Variants in FNDC3B observed in about 807,000 individuals in gnomAD.
FNDC3B encodes the protein fibronectin type III domain-containing protein 3B.
A neutral mutation model predicts 151.5 loss-of-function variants in FNDC3B; 12 were observed. That is an observed-to-expected ratio of 0.08 (90% CI 0.05 to 0.13). The LOEUF (loss-of-function observed/expected upper bound fraction) is 0.13. Ranked by LOEUF, FNDC3B falls within the 10% of genes least tolerant of loss-of-function variation. The pLI is 1.00. For missense variants in FNDC3B, 1,214 were observed against 1,505.3 expected (o/e 0.81, Z 3.20); for synonymous variants, 528 against 549.0 (o/e 0.96, Z 0.54).
At chr3:172,228,494 C>T (rs1726709021) in intron 4 of FNDC3B, among the ~76,000 whole-genome samples, 1 of 152,134 alleles carries the variant, frequency 6.6e-6, no homozygotes, top group Non-Finnish European at 1.5e-5. Context: ...AGTATTATTG[C>T]TGTGATTACA....
At chr3:172,060,383 C>T (rs543271826) in intron 1 of FNDC3B, among the ~76,000 whole-genome samples, 3 of 152,082 alleles carry the variant, frequency 2.0e-5, no homozygotes, top group Admixed American at 2.0e-4. Context: ...TATGAGTTGG[C>T]CCCACACCAG....
intron 25 of FNDC3B, among the ~76,000 whole-genome samples, chr3:172,395,292 A>G (rs1736217786): frequency 6.6e-6 from 1 of 152,098 alleles, no homozygotes; most frequent in Non-Finnish European, 1.5e-5. Flanking sequence ...TGCAATTTTA[A>G]TCTGATTATC....
chr3:172,209,126 G>A (rs1311111929), intron 3 of FNDC3B, among the ~76,000 whole-genome samples: 1 of 152,012 alleles, frequency 6.6e-6, no homozygotes, highest in Non-Finnish European at 1.5e-5. Flanking sequence ...AGTGAGCGGG[G>A]GTGGGGGTGG....
At chr3:172,297,141 G>C (rs1730655151) in intron 8 of FNDC3B, among the ~76,000 whole-genome samples, 1 of 152,080 alleles carries the variant, frequency 6.6e-6, no homozygotes, top group Non-Finnish European at 1.5e-5. Context: ...CTGATTCTTT[G>C]AATTTTTTTT....
At chr3:172,049,847 C>T (rs1438739426) in intron 1 of FNDC3B, among the ~76,000 whole-genome samples, 1 of 152,114 alleles carries the variant, frequency 6.6e-6, no homozygotes, top group East Asian at 1.9e-4. Flanking sequence ...ACATTTTATT[C>T]ATTCTTGACA....
chr3:172,123,843 A>T (rs1317056527), intron 2 of FNDC3B, among the ~76,000 whole-genome samples: 1 of 152,206 alleles, frequency 6.6e-6, no homozygotes, highest in African/African-American at 2.4e-5. Context: ...AATGGCATCC[A>T]TATTTTTCTC....
chr3:172,353,310 T>C (rs960607612), intron 22 of FNDC3B, among the ~76,000 whole-genome samples: 1 of 152,140 alleles, frequency 6.6e-6, no homozygotes, highest in Admixed American at 6.5e-5. Context: ...ACCTGCACCG[T>C]CTCTACCCCA....
intron 23 of FNDC3B, among the ~76,000 whole-genome samples, chr3:172,369,048 G>A (rs1734762841): frequency 6.6e-6 from 1 of 152,108 alleles, no homozygotes; most frequent in Non-Finnish European, 1.5e-5. Context: ...CTTAGAAAAG[G>A]AGCATAACAA....
rs1007421996 is a variant in FNDC3B at position 172,112,552 on chromosome 3, A to G, written c.73A>G (p.Met25Val). 6.2e-7 allele frequency: 1 copy of G among 1,614,146 alleles called. No homozygotes were observed. The highest frequency in any genetic ancestry group is 8.5e-7 in the Non-Finnish European group (1 of 1,179,946). ...LPPLLNGEVA[M>V]MPHLVNGDAA... ...ACCATTGCTGAACGGAGAGGTAGCCATGATGCCCCACTTGGTGAATGGAGA... is the reference window on the plus strand; with the variant it reads ...ACCATTGCTGAACGGAGAGGTAGCCGTGATGCCCCACTTGGTGAATGGAGA... Residue 25 changes from methionine (M) to valine (V), a missense_variant, in exon 2 of 26, where the codon ATG (methionine) becomes GTG (valine). By Grantham distance (21) the Met-to-Val change is conservative. Around this residue, in one of 7 missense-constraint regions of FNDC3B, gnomAD observed 113 missense variants for 177.8 expected, o/e 0.64. Transcript: ENST00000415807.
At chr3:172,139,237 A>G (rs1318163457) in intron 3 of FNDC3B, among the ~76,000 whole-genome samples, 1 of 152,192 alleles carries the variant, frequency 6.6e-6, no homozygotes, top group Non-Finnish European at 1.5e-5. Context: ...ACACTAAAAC[A>G]CTGACCTGTC....
intron 1 of FNDC3B, among the ~76,000 whole-genome samples, chr3:172,101,902 A>T (rs978429670): frequency 1.3e-5 from 2 of 152,230 alleles, no homozygotes; most frequent in Non-Finnish European, 2.9e-5. Flanking sequence ...AAAAATTATT[A>T]AGTCTGCATT....
chr3:172,304,355 C>T (rs1294836514), intron 9 of FNDC3B, among the ~76,000 whole-genome samples: 1 of 152,204 alleles, frequency 6.6e-6, no homozygotes, highest in Non-Finnish European at 1.5e-5. Context: ...ACATATAGGA[C>T]CTGATCTGCC....
intron 1 of FNDC3B, among the ~76,000 whole-genome samples, chr3:172,068,982 G>A (rs1300502661): frequency 6.6e-6 from 1 of 152,204 alleles, no homozygotes; most frequent in African/African-American, 2.4e-5. Context: ...AGGGTTTGTA[G>A]CCAGGCAGTT....
intron 3 of FNDC3B, chr3:172,186,719 G>A (rs1206910395): frequency 1.4e-6 from 1 of 702,382 alleles, no homozygotes; most frequent in Admixed American, 2.0e-5. Context: ...CAGATGAAGT[G>A]GTGAAGAGAG....
At chr3:172,204,243 C>T (rs1188692591) in intron 3 of FNDC3B, among the ~76,000 whole-genome samples, 2 of 152,100 alleles carry the variant, frequency 1.3e-5, no homozygotes, top group African/African-American at 4.8e-5. Context: ...CTCATCAGAC[C>T]TTTAGAAACC....
rs184734286 is a variant in FNDC3B at position 172,216,049 on chromosome 3, C to T, written c.188-10822C>T. 8.5e-4 allele frequency among the ~76,000 whole-genome samples: 129 copies of T among 152,148 alleles called. 1 individual carries two copies. The highest frequency in any genetic ancestry group is 3.0e-3 in the African/African-American group (124 of 41,496). On this transcript the variant is annotated intron_variant, in intron 3 of 25. Coordinates refer to ENST00000415807, the MANE Select transcript of FNDC3B (RefSeq NM_022763.4). ...CCTCTTCACGCTGTGTGAGAAAGTCCGAGGGCGTCTCGGATGCCCTTCATG... is the reference window on the plus strand; with the variant it reads ...CCTCTTCACGCTGTGTGAGAAAGTCTGAGGGCGTCTCGGATGCCCTTCATG...
chr3:172,148,744 C>T (rs902294954), intron 3 of FNDC3B, among the ~76,000 whole-genome samples: 1 of 152,168 alleles, frequency 6.6e-6, no homozygotes, highest in Non-Finnish European at 1.5e-5. Context: ...ATTACAGTTA[C>T]AGCACTGAGG....
chr3:172,209,724 A>G (rs1576800424), intron 3 of FNDC3B, among the ~76,000 whole-genome samples: 2 of 152,086 alleles, frequency 1.3e-5, no homozygotes, highest in Non-Finnish European at 2.9e-5. Context: ...GTGGAGTTTC[A>G]CCAGGGACCT....
chr3:172,359,706 C>T (rs1163400101), intron 22 of FNDC3B, among the ~76,000 whole-genome samples: 1 of 152,120 alleles, frequency 6.6e-6, no homozygotes, highest in Non-Finnish European at 1.5e-5. Context: ...TCTATTAATA[C>T]CATAAAGCAA....
Sources: gnomAD v4.1 joint callset for allele counts (sites outside exome capture counted in the v4.1 genomes callset) on GRCh38, gnomAD v4.1.1 for gene constraint, gnomAD v4.1.1 regional missense constraint, MANE v1.5 for transcripts, NCBI Gene and HGNC (gene_info 2026-07-23, HGNC 2026-07-21) for gene names.